The following RAD54L variants were observed in gnomAD, a reference collection of about 807,000 sequenced individuals.
RAD54L encodes RAD54 like, also known as DNA repair and recombination protein RAD54-like.
Under a neutral mutation model 91.6 loss-of-function variants are expected in RAD54L, and 74 were observed. That is an observed-to-expected ratio of 0.81 (90% confidence interval 0.67 to 0.98). The LOEUF (loss-of-function observed/expected upper bound fraction) is 0.98. RAD54L is among the 50% of genes least tolerant of loss of function. The pLI is 0.00. For synonymous variants in RAD54L, 304 were observed against 349.7 expected, an observed-to-expected ratio of 0.87 and a Z score of 1.46; for missense variants, 887 against 945.7, an observed-to-expected ratio of 0.94 and a Z score of 0.81.
intron 8 of RAD54L, among the ~76,000 whole-genome samples, chr1:46,266,405 G>GT (rs28363228): frequency 1.6e-4 from 25 of 152,384 alleles, no homozygotes; most frequent in Middle Eastern, 3.4e-3. Flanking sequence ...TGGTTGAGTG[G>GT]TTGAGTTTTG....
intron 9 of RAD54L, 110 bp downstream of exon 9, chr1:46,267,719 C>T: frequency 7.2e-7 from 1 of 1,383,994 alleles, no homozygotes; most frequent in Admixed American, 1.9e-5. Context: ...ATGTGGGTCA[C>T]TAGGCATTCT....
chr1:46,270,633 C>G (rs2148297993), intron 9 of RAD54L, 26 bp from the exon 10 acceptor site: 1 of 1,612,308 alleles, frequency 6.2e-7, no homozygotes, highest in South Asian at 1.1e-5. Flanking sequence ...CCACATTCTT[C>G]TGTTTTCCTT....
At chr1:46,261,551 T>C (rs1274698103) in intron 8 of RAD54L, 166 bp downstream of exon 8, 2 of 874,592 alleles carry the variant, frequency 2.3e-6, no homozygotes, top group East Asian at 2.6e-5. Context: ...TACAAGATAC[T>C]GTCTGCCAAA....
At chr1:46,260,439 A>T in intron 5 of RAD54L, 103 bp from the exon 6 acceptor site, 1 of 1,181,810 alleles carries the variant, frequency 8.5e-7, no homozygotes, top group Non-Finnish European at 1.3e-6. Flanking sequence ...GTCTTCTTTT[A>T]GGCAGCTGCC....
intron 9 of RAD54L, among the ~76,000 whole-genome samples, chr1:46,267,864 T>C (rs1264960488): frequency 6.6e-6 from 1 of 152,176 alleles, no homozygotes; most frequent in Non-Finnish European, 1.5e-5. Flanking sequence ...AATGGTGTCA[T>C]GATGAGCTGA....
chr1:46,274,243 C>T (rs751551363), intron 15 of RAD54L, 27 bp downstream of exon 15: 1 of 1,575,460 alleles, frequency 6.3e-7, no homozygotes, highest in African/African-American at 1.4e-5. Context: ...GTCCCCACAC[C>T]ACCAATGCAG....
intron 2 of RAD54L, 137 bp from the exon 3 acceptor site, chr1:46,249,863 A>T: frequency 1.1e-6 from 1 of 906,366 alleles, no homozygotes; most frequent in Non-Finnish European, 1.8e-6. Context: ...TAGAGTTGCT[A>T]TGAAGATGAT....
At position 46,248,290 on chromosome 1, in the gene RAD54L, C is replaced by T; in HGVS notation, c.-116C>T. ...GCCCCCTCTTTAATTAGCCGGTCCT[C>T]TCAATAATGTAGCAGCCCCCTCTAC... On this transcript the variant is annotated 5_prime_UTR_variant, in exon 1 of 18. Transcript: ENST00000371975. The T allele has an allele frequency of 7.4e-7, 1 of 1,344,126 alleles. No individual in the cohort carries two copies. The highest frequency in any genetic ancestry group is 1.1e-6 in the Non-Finnish European group (1 of 949,904). 83.3% of individuals were successfully genotyped at this position (1,344,126 alleles called of 1,614,324 possible).
At chr1:46,262,916 A>G (rs182548059) in intron 8 of RAD54L, among the ~76,000 whole-genome samples, 3 of 152,250 alleles carry the variant, frequency 2.0e-5, no homozygotes, top group Admixed American at 2.0e-4. Context: ...GTGACCTTCA[A>G]CAAGTTACTT....
rs1038590681 is a variant in RAD54L at position 46,265,241 on chromosome 1, G to A, written c.892-2218G>A. ...CTTACACCTGTAATCCCAGGACTTT[G>A]AAAGGCTGAGATGGGCGGATCACTT... On this transcript the variant is annotated intron_variant, in intron 8 of 17. Transcript: ENST00000371975. This position sits in a 1 kb window ranked among gnomAD's most constrained non-coding sequence, Gnocchi z 4.8. 6.6e-6 allele frequency among the ~76,000 whole-genome samples: 1 copy of A among 152,030 alleles called. No homozygotes were observed. Among genetic ancestry groups the A allele is most frequent in the Non-Finnish European group, 1.5e-5 (1 of 68,006 alleles).
intron 10 of RAD54L, among the ~76,000 whole-genome samples, chr1:46,271,705 A>T (rs990260533): frequency 3.3e-5 from 5 of 152,154 alleles, no homozygotes; most frequent in Non-Finnish European, 7.3e-5. Flanking sequence ...TTTTCTTAAG[A>T]TCTGCTTCTT....
At chr1:46,268,319 A>C (rs542317441) in intron 9 of RAD54L, among the ~76,000 whole-genome samples, 4 of 152,194 alleles carry the variant, frequency 2.6e-5, no homozygotes, top group Non-Finnish European at 5.9e-5. Flanking sequence ...CCCTGTCTCT[A>C]AAATAGTAAT....
Position 46,260,105 on chromosome 1 carries a change from T to C in RAD54L, c.407+6T>C. 6.2e-7 allele frequency: 1 copy of C among 1,614,222 alleles called. No homozygotes were observed. Among genetic ancestry groups the C allele is most frequent in the Non-Finnish European group, 8.5e-7 (1 of 1,180,044 alleles). On this transcript the variant is annotated splice_donor_region_variant and intron_variant, in intron 5 of 17. Coordinates refer to ENST00000371975, the MANE Select transcript of RAD54L (RefSeq NM_003579.4). ...GACCAGCTGAAGCTTGACAAGTATG[T>C]GCACTGGTATTTCATAAGCAGTTTT... is the stretch of plus-strand genomic sequence containing the variant.
intron 3 of RAD54L, among the ~76,000 whole-genome samples, chr1:46,253,683 C>T (rs1659862751): frequency 7.0e-6 from 1 of 142,420 alleles, no homozygotes; most frequent in Admixed American, 7.1e-5. Context: ...GATTTCTGTC[C>T]CCTATTTTTC....
intron 8 of RAD54L, among the ~76,000 whole-genome samples, chr1:46,262,562 T>G (rs1251032842): frequency 6.6e-6 from 1 of 151,930 alleles, no homozygotes; most frequent in East Asian, 1.9e-4. Context: ...TAAATCTGAT[T>G]TTACATACAG....
At position 46,258,698 on chromosome 1, in the gene RAD54L, C is replaced by G. The variant is rs138566817; in HGVS notation, c.223C>G (p.Arg75Gly). ...CCTTTCTTTTTAGGAAGCATTTATT[C>G]GAAGCATTTTGTCAAAGCCTTTCAA... ...LDSSQHEAFI[R>G]SILSKPFKVP... Residue 75 changes from arginine to glycine, a missense_variant, in exon 4 of 18, where the codon CGA (arginine) becomes GGA (glycine). Arg to Gly is a moderately radical substitution (Grantham distance 125, BLOSUM62 -2). Coordinates refer to ENST00000371975, the MANE Select transcript of RAD54L (RefSeq NM_003579.4). The G allele has an allele frequency of 4.4e-6, 7 of 1,606,028 alleles. No homozygotes were observed. The highest frequency in any genetic ancestry group is 5.1e-6 in the Non-Finnish European group (6 of 1,172,548).
chr1:46,271,060 A>T (rs1307026427), intron 10 of RAD54L, among the ~76,000 whole-genome samples: 1 of 152,170 alleles, frequency 6.6e-6, no homozygotes, highest in East Asian at 1.9e-4. Flanking sequence ...AGCAAAGTAT[A>T]CCTTGGAGCA....
Position 46,258,742 on chromosome 1 carries a change from T to C in RAD54L, c.267T>C (p.Tyr89=), listed in dbSNP as rs767772706. 9 of 1,596,138 alleles carry C rather than the reference T, an allele frequency of 5.6e-6. No homozygotes were observed. Among genetic ancestry groups the C allele is most frequent in the Non-Finnish European group, 7.7e-6 (9 of 1,163,648 alleles). ...SKPFKVPIPN[Y]QGPLGSRALG... ...CTTTCAAAGTCCCCATTCCAAATTA[T>C]CAAGGTAAAATGGAGGTTTTTCTGT... is the stretch of plus-strand genomic sequence containing the variant. Residue 89 remains tyrosine, a synonymous_variant, in exon 4 of 18, where the codon TAT becomes TAC. Coordinates refer to ENST00000371975, the MANE Select transcript of RAD54L (RefSeq NM_003579.4).
chr1:46,266,311 A>G (rs1319534409), intron 8 of RAD54L, among the ~76,000 whole-genome samples: 7 of 152,204 alleles, frequency 4.6e-5, no homozygotes, highest in Admixed American at 3.3e-4. Context: ...ACTTGATGCT[A>G]TAGATGGAAG....
Sources: gnomAD v4.1 joint callset for allele counts (sites outside exome capture counted in the v4.1 genomes callset) on GRCh38, gnomAD v4.1.1 for gene constraint, Gnocchi (gnomAD v3.1) non-coding constraint, MANE v1.5 for transcripts, NCBI Gene and HGNC (gene_info 2026-07-23, HGNC 2026-07-21) for gene names.